The following CFLAR variants were observed in gnomAD, a reference collection of about 807,000 sequenced individuals.
CFLAR encodes CASP8 and FADD-like apoptosis regulator.
Under a neutral mutation model 51.1 loss-of-function variants are expected in CFLAR, and 14 were observed. The ratio of observed to expected loss-of-function variants is 0.27; its 90% CI spans 0.18 to 0.43. CFLAR has a LOEUF of 0.43. CFLAR is among the 20% of genes least tolerant of loss of function. The pLI is 1.00. For synonymous variants in CFLAR, 210 were observed against 211.6 expected (o/e 0.99, Z 0.06); for missense variants, 390 against 566.5 (o/e 0.69, Z 3.16).
chr2:201,120,040 T>G (rs1359333842), intron 1 of CFLAR, among the ~76,000 whole-genome samples: 1 of 149,864 alleles, frequency 6.7e-6, no homozygotes, highest in Non-Finnish European at 1.5e-5. Context: ...TTTTTTTTTT[T>G]TTGAGATGAG....
Position 201,175,059 on chromosome 2 carries a change from G to T in CFLAR, c.*11086G>T, listed in dbSNP as rs1444103920. ...AGAAGTTACCCTGTATGGTCTAAAA[G>T]GTCCAGACCTCCCCACTTCTTTCCT... is the stretch of plus-strand genomic sequence containing the variant. On this transcript the variant is annotated 3_prime_UTR_variant, in exon 10 of 10. Coordinates refer to ENST00000309955, the MANE Select transcript of CFLAR (RefSeq NM_003879.7). 1 of 152,178 alleles carries T rather than the reference G, an allele frequency of 6.6e-6. No individual in the cohort carries two copies. The highest frequency in any genetic ancestry group is 1.5e-5 in the Non-Finnish European group (1 of 68,030). 9.4% of individuals were successfully genotyped at this position (152,178 alleles called of 1,614,324 possible). A position where few individuals can be genotyped will look rare whatever the true frequency, so the allele number is the denominator to read the frequency against.
chr2:201,154,760 A>C (rs921841138), intron 8 of CFLAR, among the ~76,000 whole-genome samples: 3 of 152,250 alleles, frequency 2.0e-5, no homozygotes, highest in African/African-American at 2.4e-5. Context: ...AAAAGCATGC[A>C]AGTCCCCCAA....
At chr2:201,151,374 C>A (rs1941254634) in intron 8 of CFLAR, 1 of 152,188 alleles carries the variant, frequency 6.6e-6, no homozygotes, top group Non-Finnish European at 1.5e-5. Flanking sequence ...AGCTTCTCAA[C>A]ATTCTCTTAA....
chr2:201,133,167 G>C (rs1285547759), intron 3 of CFLAR, 33 bp downstream of exon 3: 1 of 1,541,922 alleles, frequency 6.5e-7, no homozygotes, highest in East Asian at 2.3e-5. Flanking sequence ...ATGGCCCCAG[G>C]AGCCTATCAG....
chr2:201,129,880 C>A lies in CFLAR; in HGVS notation c.15C>A (p.Val5=). 1 of 1,614,086 alleles carries A rather than the reference C, an allele frequency of 6.2e-7. No homozygotes were observed. The highest frequency in any genetic ancestry group is 8.5e-7 in the Non-Finnish European group (1 of 1,179,974). MSAE[V]IHQVEEALDT... is the part of the protein sequence containing the mutation. ...CTAAGAGTAGGATGTCTGCTGAAGT[C>A]ATCCATCAGGTTGAAGAAGCACTTG... Residue 5 remains valine, a synonymous_variant, in exon 2 of 10, where the codon GTC becomes GTA. Coordinates refer to ENST00000309955, the MANE Select transcript of CFLAR (RefSeq NM_003879.7).
At chr2:201,160,978 T>G (rs1208039820) in intron 9 of CFLAR, 36 bp downstream of exon 9, 3 of 1,517,374 alleles carry the variant, frequency 2.0e-6, no homozygotes, top group Non-Finnish European at 2.7e-6. Flanking sequence ...CCGGACCACC[T>G]GCTTATTTTC....
At chr2:201,149,949 T>C (rs1940969586) in intron 8 of CFLAR, 114 bp downstream of exon 8, 1 of 785,176 alleles carries the variant, frequency 1.3e-6, no homozygotes, top group African/African-American at 1.7e-5. Context: ...AGTTCAAGAA[T>C]CTGTGCTTCA....
At position 201,118,708 on chromosome 2, in the gene CFLAR, C is replaced by T. The variant is rs1411302427; in HGVS notation, c.-138+2227C>T. The stretch of plus-strand genomic sequence containing the variant: ...GGCGGGGATTAGGCGTGAAGCGGTT[C>T]AGCAGGCAGAGGTTCTCGGACGCCC... On this transcript the variant is annotated intron_variant, in intron 1 of 9. Transcript: ENST00000309955. This position sits in a 1 kb window ranked among gnomAD's most constrained non-coding sequence, Gnocchi z 5.1. The T allele has an allele frequency of 6.6e-6, 1 of 152,350 alleles. No homozygotes were observed. Among genetic ancestry groups the T allele is most frequent in the Non-Finnish European group, 1.5e-5 (1 of 68,156 alleles). 9.4% of individuals were successfully genotyped at this position (152,350 alleles called of 1,614,324 possible).
rs930301308 is a variant in CFLAR at position 201,136,580 on chromosome 2, G to A, written c.523+473G>A. The A allele has an allele frequency of 4.8e-6, 7 of 1,451,426 alleles. No homozygotes were observed. In the South Asian group the frequency reaches 1.0e-4, roughly 21 times the overall value. The allele number at this position is 1,451,426 out of a possible 1,614,324, so 89.9% of individuals were successfully genotyped here. Reference sequence around the variant, plus strand: ...ATTCGATTTCTTCCTTGATAAAAGGGACCAGATTCACATTGGCCTTCTGCT... The same window carrying A: ...ATTCGATTTCTTCCTTGATAAAAGGAACCAGATTCACATTGGCCTTCTGCT... On this transcript the variant is annotated intron_variant, in intron 4 of 9. Transcript: ENST00000309955.
chr2:201,144,957 A>G (rs1253638672), intron 5 of CFLAR, among the ~76,000 whole-genome samples: 1 of 152,058 alleles, frequency 6.6e-6, no homozygotes, highest in Non-Finnish European at 1.5e-5. Flanking sequence ...GGTTCAAGCA[A>G]TTCTCCTGCC....
At chr2:201,134,341 T>C (rs1483624396) in intron 3 of CFLAR, among the ~76,000 whole-genome samples, 1 of 150,392 alleles carries the variant, frequency 6.6e-6, no homozygotes, top group African/African-American at 2.4e-5. Flanking sequence ...CCAGTTGGCC[T>C]AGCACAATGG....
intron 8 of CFLAR, chr2:201,153,822 T>G (rs185142059): frequency 6.5e-6 from 1 of 152,840 alleles, no homozygotes; most frequent in East Asian, 1.9e-4. Context: ...AATACCATAA[T>G]ATAGGTACTA....
At chr2:201,154,797 G>T (rs1941881939) in intron 8 of CFLAR, among the ~76,000 whole-genome samples, 1 of 152,214 alleles carries the variant, frequency 6.6e-6, no homozygotes, top group Non-Finnish European at 1.5e-5. Flanking sequence ...TTCTTTGTTT[G>T]TCCAGTAAAT....
Position 201,138,676 on chromosome 2 carries a change from C to T in CFLAR, c.524-1681C>T. On this transcript the variant is annotated intron_variant, in intron 4 of 9. Coordinates refer to ENST00000309955, the MANE Select transcript of CFLAR (RefSeq NM_003879.7). This position sits in a 1 kb window ranked among gnomAD's most constrained non-coding sequence, Gnocchi z 4.0. ...CGCATCTTGGCCTCCAACACATCACCCACAGTGTGCAAGGGGCTCAGCACC... is the reference window on the plus strand; with the variant it reads ...CGCATCTTGGCCTCCAACACATCACTCACAGTGTGCAAGGGGCTCAGCACC... The T allele has an allele frequency of 3.1e-6, 3 of 968,106 alleles. No individual in the cohort carries two copies. The South Asian group carries it at 3.8e-5, about 12-fold the overall frequency. The allele number at this position is 968,106 out of a possible 1,614,324, so 60.0% of individuals were successfully genotyped here.
At chr2:201,157,193 G>A (rs1245770749) in intron 8 of CFLAR, among the ~76,000 whole-genome samples, 1 of 152,184 alleles carries the variant, frequency 6.6e-6, no homozygotes, top group Non-Finnish European at 1.5e-5. Flanking sequence ...CTTTCACCCA[G>A]GCTGGAGTGC....
chr2:201,151,475 A>T lies in CFLAR; in HGVS notation c.793+1640A>T, dbSNP rs187952598. ...GGCTAAGAGAAGGTCAAATTAGCAAATATAATACTAAATTTTCCAGGATTT... is the reference window on the plus strand; with the variant it reads ...GGCTAAGAGAAGGTCAAATTAGCAATTATAATACTAAATTTTCCAGGATTT... On this transcript the variant is annotated intron_variant, in intron 8 of 9. Transcript: ENST00000309955. 2.0e-5 allele frequency among the ~76,000 whole-genome samples: 3 copies of T among 152,304 alleles called. No individual in the cohort carries two copies. The East Asian group carries it at 5.8e-4, about 29-fold the overall frequency.
chr2:201,143,134 T>G (rs1408020834), intron 5 of CFLAR, among the ~76,000 whole-genome samples: 1 of 152,236 alleles, frequency 6.6e-6, no homozygotes, highest in Non-Finnish European at 1.5e-5. Context: ...TGTAGCCTGT[T>G]GTGAGCCCAT....
In CFLAR at chr2:201,138,180, GT is replaced by G; in HGVS notation, c.523+2075del. On this transcript the variant is annotated intron_variant, in intron 4 of 9. Transcript: ENST00000309955. This position sits in a 1 kb window ranked among gnomAD's most constrained non-coding sequence, Gnocchi z 4.0. ...TTCCCCCCAATCACCTGGAGGTGGGGTTACTTTTGTTTGATGTAATGCACCA... is the reference window on the plus strand; with the variant it reads ...TTCCCCCCAATCACCTGGAGGTGGGGTACTTTTGTTTGATGTAATGCACCA... The G allele has an allele frequency of 2.1e-6, 2 of 956,564 alleles. No individual in the cohort carries two copies. The highest frequency in any genetic ancestry group is 3.4e-6 in the Non-Finnish European group (2 of 585,308). The allele number at this position is 956,564 out of a possible 1,614,324, so 59.3% of individuals were successfully genotyped here. A position where few individuals can be genotyped will look rare whatever the true frequency, so the allele number is the denominator to read the frequency against.
chr2:201,126,252 A>ATAAATGGTTACAGGAAAG (rs2048697013), intron 1 of CFLAR, among the ~76,000 whole-genome samples: 1 of 152,192 alleles, frequency 6.6e-6, no homozygotes, highest in Non-Finnish European at 1.5e-5. Context: ...AGTTAAAAGG[A>ATAAATGGTTACAGGAAAG]TAAATGGTTA....
Sources: allele counts gnomAD v4.1 joint callset (sites outside exome capture counted in the v4.1 genomes callset), GRCh38; gene constraint gnomAD v4.1.1; non-coding constraint Gnocchi (gnomAD v3.1); transcripts MANE v1.5; gene names NCBI Gene and HGNC (gene_info 2026-07-23, HGNC 2026-07-21).